Variants in CYP2C19 observed in about 807,000 individuals in gnomAD.
CYP2C19 encodes the protein cytochrome P450 family 2 subfamily C member 19, also known as cytochrome P450 2C19.
A neutral mutation model predicts 40.9 loss-of-function variants in CYP2C19; 59 were observed. The ratio of observed to expected loss-of-function variants is 1.44; its 90% CI spans 1.17 to 1.79. The LOEUF is 1.79. CYP2C19 is among the 40% of genes most tolerant of loss of function. The pLI, the probability that CYP2C19 is intolerant of heterozygous loss-of-function variation, is 0.00. For synonymous variants in CYP2C19, 253 were observed against 208.7 expected (o/e 1.21, Z -1.83); for missense variants, 754 against 596.9 (o/e 1.26, Z -2.74).
intron 6 of CYP2C19, among the ~76,000 whole-genome samples, chr10:94,822,745 A>G (rs1013131932): frequency 6.6e-6 from 1 of 152,050 alleles, no homozygotes; most frequent in African/African-American, 2.4e-5. Context: ...TTGTTTTTGG[A>G]CTTTTTAATA....
chr10:94,850,918 T>C (rs941451924), intron 8 of CYP2C19, among the ~76,000 whole-genome samples: 1 of 152,192 alleles, frequency 6.6e-6, no homozygotes, highest in Admixed American at 6.5e-5. Flanking sequence ...TCTCCACACG[T>C]GAAATGTGTG....
chr10:94,836,725 G>A (rs1382598558), intron 6 of CYP2C19, among the ~76,000 whole-genome samples: 1 of 152,210 alleles, frequency 6.6e-6, no homozygotes, highest in Non-Finnish European at 1.5e-5. Flanking sequence ...TTAGCCCTAA[G>A]CATTTAACCT....
In CYP2C19 at chr10:94,780,626, A is replaced by G. The variant is rs1848467256; in HGVS notation, c.609A>G (p.Glu203=). 1 of 1,613,738 alleles carries G rather than the reference A, an allele frequency of 6.2e-7. No homozygotes were observed. The highest frequency in any genetic ancestry group is 1.7e-5 in the Admixed American group (1 of 59,968). Residue 203 remains glutamate (E), a synonymous_variant, in exon 4 of 9, where the codon GAA becomes GAG. Transcript: ENST00000371321. ...QFLNLMEKLN[E]NIRIVSTPWI... ...TTAACTTGATGGAAAAATTGAATGA[A>G]AACATCAGGATTGTAAGCACCCCCT...
At position 94,850,411 on chromosome 10, in the gene CYP2C19, C is replaced by A. The variant is rs145752615; in HGVS notation, c.1291+353C>A. ...GAAGTTATCTCACTCCAGAACTTCA[C>A]TGAGTGTCTTCCACATGGTGTCCCT... On this transcript the variant is annotated intron_variant, in intron 8 of 8. Coordinates refer to ENST00000371321, the MANE Select transcript of CYP2C19 (RefSeq NM_000769.4). Among the ~76,000 whole-genome samples, 3 of 152,272 alleles carry A rather than the reference C, an allele frequency of 2.0e-5. No homozygotes were observed. The East Asian group carries it at 5.8e-4, about 29-fold the overall frequency.
In CYP2C19 at chr10:94,853,381, A is replaced by G. The variant is rs1285403868; in HGVS notation, c.*467A>G. Among the ~76,000 whole-genome samples the G allele has an allele frequency of 6.6e-6, 1 of 152,168 alleles. No homozygotes were observed. Among genetic ancestry groups the G allele is most frequent in the African/African-American group, 2.4e-5 (1 of 41,438 alleles). ...AAGGACAGAAAGGACAAAGGTGAAG[A>G]TGGTAGGGAAGCTATTTTGGCTGAG... is the stretch of plus-strand genomic sequence containing the variant. On this transcript the variant is annotated 3_prime_UTR_variant, in exon 9 of 9. Coordinates refer to ENST00000371321, the MANE Select transcript of CYP2C19 (RefSeq NM_000769.4).
At chr10:94,804,319 C>T (rs905440022) in intron 5 of CYP2C19, among the ~76,000 whole-genome samples, 2 of 152,184 alleles carry the variant, frequency 1.3e-5, no homozygotes, top group African/African-American at 4.8e-5. Flanking sequence ...AATTCCAGTA[C>T]CCACTGCTAA....
In CYP2C19 at chr10:94,852,733, G is replaced by A. The variant is rs770375701; in HGVS notation, c.1292G>A (p.Gly431Glu). 18 of 1,613,710 alleles carry A rather than the reference G, an allele frequency of 1.1e-5. No homozygotes were observed. The highest frequency in any genetic ancestry group is 1.4e-5 in the Non-Finnish European group (17 of 1,179,878). The change falls in exon 9 of 9, where the codon GGA (glycine) becomes GAA (glutamate). Residue 431 changes from glycine to glutamate, a missense_variant and splice_region_variant. Physicochemically the swap from Gly to Glu is moderately conservative, Grantham distance 98. Coordinates refer to ENST00000371321, the MANE Select transcript of CYP2C19 (RefSeq NM_000769.4). ...KSNYFMPFSA[G>E]KRICVGEGLA... ...TTCTCCCTATGTTTGTTATTTTCAG[G>A]AAAACGGATTTGTGTGGGAGAGGGC...
At chr10:94,818,367 A>G (rs1849046783) in intron 5 of CYP2C19, among the ~76,000 whole-genome samples, 1 of 151,896 alleles carries the variant, frequency 6.6e-6, no homozygotes, top group Non-Finnish European at 1.5e-5. Flanking sequence ...TGACTTGATG[A>G]TGCGGGCTCT....
chr10:94,836,951 C>G (rs1458497983), intron 6 of CYP2C19, among the ~76,000 whole-genome samples: 2 of 152,120 alleles, frequency 1.3e-5, no homozygotes, highest in African/African-American at 4.8e-5. Context: ...ATCCTTGAAC[C>G]CTTGGGGTAA....
chr10:94,836,076 T>G (rs1849399130), intron 6 of CYP2C19, among the ~76,000 whole-genome samples: 1 of 152,206 alleles, frequency 6.6e-6, no homozygotes, highest in Non-Finnish European at 1.5e-5. Context: ...GAAATGTGGC[T>G]CAGTTAAGAG....
intron 4 of CYP2C19, 83 bp from the exon 5 acceptor site, chr10:94,781,738 T>C: frequency 1.6e-6 from 1 of 617,966 alleles, no homozygotes. Context: ...ATTTATAGTT[T>C]TAAATTACAA....
chr10:94,780,541 G>A lies in CYP2C19; in HGVS notation c.524G>A (p.Cys175Tyr). Residue 175 changes from cysteine (C) to tyrosine (Y), a missense_variant, in exon 4 of 9, where the codon TGC becomes TAC. Cys to Tyr is a radical substitution (Grantham distance 194). Transcript: ENST00000371321. ...DPTFILGCAP[C>Y]NVICSIIFQK... ...ACTTTCATCCTGGGCTGTGCTCCCT[G>A]CAATGTGATCTGCTCCATTATTTTC... 1 of 1,613,822 alleles carries A rather than the reference G, an allele frequency of 6.2e-7. No individual in the cohort carries two copies.
chr10:94,850,666 G>A (rs1181678136), intron 8 of CYP2C19, among the ~76,000 whole-genome samples: 1 of 152,204 alleles, frequency 6.6e-6, no homozygotes, highest in Non-Finnish European at 1.5e-5. Context: ...ACTAATAGCA[G>A]TAAAGACATT....
At chr10:94,777,678 A>C (rs1417161772) in intron 3 of CYP2C19, among the ~76,000 whole-genome samples, 1 of 152,178 alleles carries the variant, frequency 6.6e-6, no homozygotes, top group East Asian at 1.9e-4. Flanking sequence ...CTTAAACATA[A>C]AACCTAAAAC....
Position 94,847,983 on chromosome 10 carries a change from C to T in CYP2C19, c.1150-1934C>T, listed in dbSNP as rs369681259. Among the ~76,000 whole-genome samples, 62 of 152,070 alleles carry T rather than the reference C, an allele frequency of 4.1e-4. 1 individual carries two copies. Among genetic ancestry groups the T allele is most frequent in the East Asian group, 3.9e-4 (2 of 5,170 alleles). ...TTGTAGATTCTGGATATTAGCCCTT[C>T]GTCAGATGAGTAGATTGCAAAAATT... is the stretch of plus-strand genomic sequence containing the variant. On this transcript the variant is annotated intron_variant, in intron 7 of 8. Coordinates refer to ENST00000371321, the MANE Select transcript of CYP2C19 (RefSeq NM_000769.4).
chr10:94,849,664 A>T (rs560240287), intron 7 of CYP2C19, among the ~76,000 whole-genome samples: 19 of 118,224 alleles, frequency 1.6e-4, no homozygotes, highest in African/African-American at 6.3e-4. Context: ...CCGAAGTGTG[A>T]TGTTCCCCTT....
At position 94,805,422 on chromosome 10, in the gene CYP2C19, A is replaced by C. The variant is rs546251668; in HGVS notation, c.820-15074A>C. 5.4e-4 allele frequency among the ~76,000 whole-genome samples: 82 copies of C among 152,224 alleles called. No individual in the cohort carries two copies. The South Asian group carries it at 0.012, about 22-fold the overall frequency. On this transcript the variant is annotated intron_variant, in intron 5 of 8. Transcript: ENST00000371321. ...TTGTTTATTGTGTGTAATCTTTTAA[A>C]TTTTGTAAAAAATGTTGTGGCAAAA...
chr10:94,826,415 A>C (rs1468264091), intron 6 of CYP2C19, among the ~76,000 whole-genome samples: 5 of 152,052 alleles, frequency 3.3e-5, no homozygotes, highest in Admixed American at 1.3e-4. Context: ...ATTCTCTTTG[A>C]AGCAATTGTG....
chr10:94,802,408 C>G (rs571318986), intron 5 of CYP2C19, among the ~76,000 whole-genome samples: 2 of 152,112 alleles, frequency 1.3e-5, no homozygotes, highest in South Asian at 4.2e-4. Context: ...ATTGCAACCC[C>G]TGCTTTTTAT....
Sources: allele counts gnomAD v4.1 joint callset (sites outside exome capture counted in the v4.1 genomes callset), GRCh38; gene constraint gnomAD v4.1.1; transcripts MANE v1.5; gene names NCBI Gene and HGNC (gene_info 2026-07-23, HGNC 2026-07-21).